The following ICAM5 variants were observed in gnomAD, a reference collection of about 807,000 sequenced individuals.
ICAM5 encodes the protein ICAM-5.
ICAM5 carries 38 observed loss-of-function variants against 78.8 expected under a neutral mutation model. The observed-to-expected ratio is 0.48, with a 90% CI of 0.37 to 0.63. The LOEUF is 0.63. Ranked by LOEUF, ICAM5 falls within the 30% of genes least tolerant of loss-of-function variation. The pLI is 0.00. For missense variants in ICAM5, 1,059 were observed against 1,303.0 expected, an observed-to-expected ratio of 0.81 and a Z score of 2.88; for synonymous variants, 544 against 590.9, an observed-to-expected ratio of 0.92 and a Z score of 1.15.
rs747925443 is a variant in ICAM5 at position 10,291,464 on chromosome 19, A to G, written c.353-25A>G. The G allele has an allele frequency of 7.4e-6, 12 of 1,610,930 alleles. No homozygotes were observed. In the South Asian group the frequency reaches 8.8e-5, roughly 12 times the overall value. On this transcript the variant is annotated intron_variant, in intron 2 of 10. Coordinates refer to ENST00000221980, the MANE Select transcript of ICAM5 (RefSeq NM_003259.4). ...CTGTTCCAAGTCCCGGTGTTCAAAGAGCTGCGGACTCTTCCCCCTTGCAGA... is the reference window on the plus strand; with the variant it reads ...CTGTTCCAAGTCCCGGTGTTCAAAGGGCTGCGGACTCTTCCCCCTTGCAGA...
In ICAM5 at chr19:10,293,755, C is replaced by T. The variant is rs1488994721; in HGVS notation, c.1523C>T (p.Thr508Ile). The change falls in exon 7 of 11, where the codon ACA becomes ATA. Residue 508 changes from threonine (T) to isoleucine (I), a missense_variant. By Grantham distance (89) the Thr-to-Ile change is moderately conservative. This residue lies in a region of ICAM5 where 815 missense variants were observed against 952.8 expected (regional missense o/e 0.86). Transcript: ENST00000221980. The surrounding 1 kb of genome is among the most constrained non-coding windows in gnomAD (Gnocchi z 5.0). ...CPERITWLEGTEASLSCVAHG... is the reference protein window; with the variant it reads ...CPERITWLEGIEASLSCVAHG... ...GAACGCATTACTTGGCTGGAGGGAACAGAAGCCTCGCTGAGCTGTGTGGCG... is the reference window on the plus strand; with the variant it reads ...GAACGCATTACTTGGCTGGAGGGAATAGAAGCCTCGCTGAGCTGTGTGGCG... 4 of 1,613,880 alleles carry T rather than the reference C, an allele frequency of 2.5e-6. No individual in the cohort carries two copies. The highest frequency in any genetic ancestry group is 1.7e-5 in the Admixed American group (1 of 60,010).
rs781293487 is a variant in ICAM5 at position 10,293,981 on chromosome 19, G to A, written c.1711+38G>A. 6 of 1,600,756 alleles carry A rather than the reference G, an allele frequency of 3.7e-6. 1 individual carries two copies. The highest frequency in any genetic ancestry group is 3.4e-6 in the Non-Finnish European group (4 of 1,171,026). On this transcript the variant is annotated intron_variant, in intron 7 of 10. Transcript: ENST00000221980. The surrounding 1 kb of genome is among the most constrained non-coding windows in gnomAD (Gnocchi z 5.0). ...ACCGCGGAGTTAGGCAGGATCTGTG[G>A]GACAACCCCGGCTGGACTTCCTGGC...
At position 10,292,773 on chromosome 19, in the gene ICAM5, A is replaced by G. The variant is rs776404071; in HGVS notation, c.1123A>G (p.Asn375Asp). 1 of 1,613,366 alleles carries G rather than the reference A, an allele frequency of 6.2e-7. No homozygotes were observed. The highest frequency in any genetic ancestry group is 8.5e-7 in the Non-Finnish European group (1 of 1,179,970). Residue 375 changes from asparagine (N) to aspartate (D), a missense_variant, in exon 5 of 11, where the codon AAC becomes GAC. Transcript: ENST00000221980. Reference sequence around the variant, plus strand: ...CCAGCTTCAGCTAAATGCCACCGAGAACGACGACAGACGCAGCTTCTTCTG... The same window carrying G: ...CCAGCTTCAGCTAAATGCCACCGAGGACGACGACAGACGCAGCTTCTTCTG... ...PAQLQLNATE[N>D]DDRRSFFCDA...
In ICAM5 at chr19:10,295,101, T is replaced by C. The variant is rs570847118; in HGVS notation, c.2231-245T>C. Reference sequence around the variant, plus strand: ...ATTATAGGGAATAGGAGCACGGCCCTCCTCAAATCCTGGATTAGAACACTG... The same window carrying C: ...ATTATAGGGAATAGGAGCACGGCCCCCCTCAAATCCTGGATTAGAACACTG... On this transcript the variant is annotated intron_variant, in intron 9 of 10. Transcript: ENST00000221980. 7.4e-4 allele frequency among the ~76,000 whole-genome samples: 113 copies of C among 152,286 alleles called. 1 individual carries two copies. Among genetic ancestry groups the C allele is most frequent in the African/African-American group, 2.6e-3 (109 of 41,562 alleles).
Position 10,296,502 on chromosome 19 carries a change from G to GGGC in ICAM5, c.2669_2671dup (p.Gly890dup). On this transcript the variant is annotated inframe_insertion, in exon 11 of 11. Coordinates refer to ENST00000221980, the MANE Select transcript of ICAM5 (RefSeq NM_003259.4). ...GCGAGGCCGTGTGTCTGAACGGAGC[G>GGGC]GGCGGCGGCGCTGGCGGGGCGGCAG... 4 of 1,231,562 alleles carry GGGC rather than the reference G, an allele frequency of 3.2e-6. No individual in the cohort carries two copies. Among genetic ancestry groups the GGGC allele is most frequent in the Non-Finnish European group, 4.1e-6 (4 of 970,910 alleles). The allele number at this position is 1,231,562 out of a possible 1,614,324, so 76.3% of individuals were successfully genotyped here.
chr19:10,295,900 T>C (rs2040216655), intron 10 of ICAM5, among the ~76,000 whole-genome samples: 1 of 152,068 alleles, frequency 6.6e-6, no homozygotes, highest in Non-Finnish European at 1.5e-5. Flanking sequence ...TGGTGGAAAC[T>C]TGACCCAATT....
Sources: allele counts gnomAD v4.1 joint callset (sites outside exome capture counted in the v4.1 genomes callset), GRCh38; gene constraint gnomAD v4.1.1; regional missense constraint gnomAD v4.1.1; non-coding constraint Gnocchi (gnomAD v3.1); transcripts MANE v1.5; gene names NCBI Gene and HGNC (gene_info 2026-07-23, HGNC 2026-07-21).